The following NR6A1 variants were observed in gnomAD, a reference collection of about 807,000 sequenced individuals.
NR6A1 encodes retinoic acid receptor-related testis-associated receptor.
NR6A1 carries 7 observed loss-of-function variants against 59.1 expected under a neutral mutation model. That is an observed-to-expected ratio of 0.12 (90% CI 0.07 to 0.22). NR6A1 has a LOEUF of 0.22. Among genes scored for constraint, NR6A1 ranks in the 10% least tolerant of loss-of-function variants. The probability of loss-of-function intolerance (pLI) is 1.00; values close to 1 mark genes in which losing one functional copy is unlikely to be tolerated. For missense variants in NR6A1, 468 were observed against 611.6 expected (o/e 0.77, Z 2.48); for synonymous variants, 243 against 236.1 (o/e 1.03, Z -0.27).
At chr9:124,682,560 A>T (rs919968012) in intron 2 of NR6A1, among the ~76,000 whole-genome samples, 35 of 152,292 alleles carry the variant, frequency 2.3e-4, no homozygotes, top group Middle Eastern at 3.4e-3. Flanking sequence ...ACCAATTTTT[A>T]AAAAAATAGC....
chr9:124,722,984 ACC>A (rs1182166396), intron 2 of NR6A1, among the ~76,000 whole-genome samples: 1 of 152,100 alleles, frequency 6.6e-6, no homozygotes, highest in Admixed American at 6.6e-5. Flanking sequence ...GACCCACCAC[ACC>A]CAGCACTTAA....
At chr9:124,599,748 G>C (rs999436642) in intron 2 of NR6A1, among the ~76,000 whole-genome samples, 1 of 152,146 alleles carries the variant, frequency 6.6e-6, no homozygotes, top group African/African-American at 2.4e-5. Context: ...TCATTTTAAA[G>C]ATGGACAAAC....
intron 1 of NR6A1, among the ~76,000 whole-genome samples, chr9:124,768,253 C>T (rs906769953): frequency 3.9e-5 from 6 of 152,148 alleles, no homozygotes; most frequent in Non-Finnish European, 5.9e-5. Flanking sequence ...GAAAATAGTT[C>T]ATATAAAATA....
At chr9:124,752,918 G>A (rs1840546262) in intron 1 of NR6A1, among the ~76,000 whole-genome samples, 1 of 152,162 alleles carries the variant, frequency 6.6e-6, no homozygotes. Context: ...GAGAGGCAGG[G>A]ACAGGGAGGC....
chr9:124,699,111 G>A (rs1485980350), intron 2 of NR6A1, among the ~76,000 whole-genome samples: 2 of 152,122 alleles, frequency 1.3e-5, no homozygotes, highest in African/African-American at 2.4e-5. Context: ...GTAAAAGGAC[G>A]ACTAAATATA....
At chr9:124,662,532 A>G (rs1207999195) in intron 2 of NR6A1, among the ~76,000 whole-genome samples, 1 of 152,212 alleles carries the variant, frequency 6.6e-6, no homozygotes, top group East Asian at 1.9e-4. Context: ...AGAGATTCCA[A>G]AAAAGAGTAG....
chr9:124,758,945 C>G (rs1368276065), intron 1 of NR6A1, among the ~76,000 whole-genome samples: 1 of 152,152 alleles, frequency 6.6e-6, no homozygotes, highest in Non-Finnish European at 1.5e-5. Context: ...TCTAATTTAG[C>G]TCCTCCATTT....
intron 1 of NR6A1, among the ~76,000 whole-genome samples, chr9:124,762,143 C>T (rs1840799671): frequency 6.6e-6 from 1 of 152,090 alleles, no homozygotes; most frequent in Non-Finnish European, 1.5e-5. Context: ...TATATTTATG[C>T]CTGAGTGTTC....
chr9:124,707,369 T>C (rs542690176), intron 2 of NR6A1, among the ~76,000 whole-genome samples: 1 of 152,324 alleles, frequency 6.6e-6, no homozygotes, highest in East Asian at 1.9e-4. Context: ...TGAAATTCTC[T>C]ATGTACTAGA....
In NR6A1 at chr9:124,521,562, T is replaced by C. The variant is rs542121358; in HGVS notation, c.*1143A>G. ...TTCTGGTCAGCAGACAGGTGAATGG[T>C]CCTTCTCATTGTTTAAAAAAGCCTG... On this transcript the variant is annotated 3_prime_UTR_variant, in exon 10 of 10. Coordinates refer to ENST00000487099, the MANE Select transcript of NR6A1 (RefSeq NM_033334.4). 1 of 152,360 alleles carries C rather than the reference T, an allele frequency of 6.6e-6. No homozygotes were observed. The highest frequency in any genetic ancestry group is 2.1e-4 in the South Asian group (1 of 4,830). 9.4% of individuals were successfully genotyped at this position (152,360 alleles called of 1,614,324 possible).
At chr9:124,720,201 G>A (rs149146943) in intron 2 of NR6A1, among the ~76,000 whole-genome samples, 4 of 152,022 alleles carry the variant, frequency 2.6e-5, no homozygotes, top group African/African-American at 7.2e-5. Flanking sequence ...ACAAGCATGC[G>A]CCACCACGTC....
intron 2 of NR6A1, among the ~76,000 whole-genome samples, chr9:124,644,271 C>CTTCTT (rs567120746): frequency 2.1e-5 from 2 of 96,744 alleles, no homozygotes; most frequent in African/African-American, 8.3e-5. Flanking sequence ...ATTAAGTCTT[C>CTTCTT]TTTTTTTTTT....
intron 2 of NR6A1, among the ~76,000 whole-genome samples, chr9:124,675,636 T>TTC: frequency 6.6e-6 from 1 of 152,340 alleles, no homozygotes; most frequent in South Asian, 2.1e-4. Flanking sequence ...CTGCTGATAT[T>TTC]TCTCTCAAAT....
chr9:124,698,669 T>C (rs931774453), intron 2 of NR6A1: 24 of 152,216 alleles, frequency 1.6e-4, no homozygotes, highest in African/African-American at 5.8e-4. Flanking sequence ...AATTTTCTTG[T>C]AATTTCTAGC....
At chr9:124,746,865 C>T (rs72763311) in intron 1 of NR6A1, among the ~76,000 whole-genome samples, 2,132 of 152,244 alleles carry the variant, frequency 0.014, 29 homozygotes, top group Non-Finnish European at 0.018. Context: ...GTGAGTAAAG[C>T]TGGCTACCCC....
chr9:124,764,580 T>C (rs1840878881), intron 1 of NR6A1, among the ~76,000 whole-genome samples: 1 of 152,206 alleles, frequency 6.6e-6, no homozygotes, highest in South Asian at 2.1e-4. Flanking sequence ...TAGTTGTGCA[T>C]TTCTCTCTCA....
At chr9:124,700,754 CTT>C (rs35704226) in intron 2 of NR6A1, among the ~76,000 whole-genome samples, 3,625 of 91,244 alleles carry the variant, frequency 0.04, 61 homozygotes, top group African/African-American at 0.14. Context: ...TTTACATAGC[CTT>C]TTTTTTTTTT....
At chr9:124,712,860 G>A (rs540385065) in intron 2 of NR6A1, among the ~76,000 whole-genome samples, 1 of 152,278 alleles carries the variant, frequency 6.6e-6, no homozygotes, top group African/African-American at 2.4e-5. Context: ...GAATTGGTAT[G>A]AAAACATAAC....
intron 2 of NR6A1, among the ~76,000 whole-genome samples, chr9:124,711,520 G>A (rs745453902): frequency 1.7e-4 from 25 of 151,284 alleles, no homozygotes; most frequent in Admixed American, 3.9e-4. Context: ...CCCAAAAATG[G>A]CGAGGAGCCA....
Sources: allele counts gnomAD v4.1 joint callset (sites outside exome capture counted in the v4.1 genomes callset), GRCh38; gene constraint gnomAD v4.1.1; transcripts MANE v1.5; gene names NCBI Gene and HGNC (gene_info 2026-07-23, HGNC 2026-07-21).